Variants in PDXDC1 observed in about 807,000 individuals in gnomAD.
The protein encoded by PDXDC1 is pyridoxal dependent decarboxylase domain containing 1.
PDXDC1 carries 42 observed loss-of-function variants against 100.1 expected under a neutral mutation model. That is an observed-to-expected ratio of 0.42 (90% CI 0.33 to 0.54). The LOEUF (loss-of-function observed/expected upper bound fraction) is 0.54. Among genes scored for constraint, PDXDC1 ranks in the 20% least tolerant of loss-of-function variants. The pLI is 0.10. For synonymous variants in PDXDC1, 260 were observed against 371.7 expected, an observed-to-expected ratio of 0.70 and a Z score of 3.46; for missense variants, 636 against 979.2, an observed-to-expected ratio of 0.65 and a Z score of 4.68.
intron 16 of PDXDC1, chr16:15,056,217 A>T (rs2044516142): frequency 6.2e-6 from 1 of 160,028 alleles, no homozygotes; most frequent in Non-Finnish European, 1.4e-5. Flanking sequence ...TGGCCCTGGA[A>T]GCAGCGCGCG....
chr16:15,035,705 C>T (rs1388588385), intron 22 of PDXDC1, 152 bp downstream of exon 22: 2 of 600,112 alleles, frequency 3.3e-6, no homozygotes, highest in African/African-American at 3.7e-5. Context: ...CCGTGGGATT[C>T]AGCCTTGAAG....
At chr16:15,020,098 C>T (rs1210849880) in intron 12 of PDXDC1, among the ~76,000 whole-genome samples, 106 of 114,758 alleles carry the variant, frequency 9.2e-4, no homozygotes, top group Non-Finnish European at 1.3e-3. Flanking sequence ...GGTGACAGAG[C>T]GAGGCTCCGT....
intron 17 of PDXDC1, 106 bp from the exon 18 acceptor site, chr16:15,032,755 C>A: frequency 1.4e-6 from 1 of 711,270 alleles, no homozygotes; most frequent in Non-Finnish European, 2.5e-6. Flanking sequence ...CTTTTGCCCA[C>A]TGGTTCCACT....
intron 16 of PDXDC1, among the ~76,000 whole-genome samples, chr16:15,111,496 A>C (rs2047061111): frequency 1.4e-5 from 2 of 147,560 alleles, no homozygotes; most frequent in Non-Finnish European, 3.0e-5. Context: ...GTGGTAGCTC[A>C]CGCCTGTAAT....
intron 3 of PDXDC1, among the ~76,000 whole-genome samples, chr16:15,000,809 C>T (rs1327352832): frequency 6.6e-6 from 1 of 151,566 alleles, no homozygotes; most frequent in East Asian, 1.9e-4. Context: ...GGACAAGATC[C>T]CTATGGAGGA....
At chr16:15,131,088 G>T (rs531290127) in intron 16 of PDXDC1, 2 of 1,606,000 alleles carry the variant, frequency 1.2e-6, no homozygotes, top group East Asian at 4.5e-5. Context: ...TGCACGCACC[G>T]TCCAGCAGCG....
chr16:15,092,797 T>A (rs189971656), intron 16 of PDXDC1, among the ~76,000 whole-genome samples: 1 of 152,196 alleles, frequency 6.6e-6, no homozygotes, highest in East Asian at 1.9e-4. Context: ...GTCTTCCCAC[T>A]GCACTTACAG....
chr16:15,093,209 G>A (rs1191969331), intron 16 of PDXDC1, among the ~76,000 whole-genome samples: 1 of 152,126 alleles, frequency 6.6e-6, no homozygotes, highest in Non-Finnish European at 1.5e-5. Flanking sequence ...TTCGCACGTT[G>A]GCCAGGCTGG....
At chr16:15,055,100 T>C (rs980955743) in intron 16 of PDXDC1, among the ~76,000 whole-genome samples, 1 of 152,156 alleles carries the variant, frequency 6.6e-6, no homozygotes, top group Non-Finnish European at 1.5e-5. Context: ...GGGCTCGATA[T>C]TTGACTCTCA....
intron 1 of PDXDC1, among the ~76,000 whole-genome samples, chr16:14,991,265 A>ATTG (rs759288384): frequency 2.0e-4 from 28 of 137,900 alleles, no homozygotes; most frequent in Admixed American, 3.1e-4. Flanking sequence ...ATGTATATAG[A>ATTG]TATGTGTGTG....
chr16:14,987,596 A>G (rs1969674471), intron 1 of PDXDC1, among the ~76,000 whole-genome samples: 1 of 152,288 alleles, frequency 6.6e-6, no homozygotes, highest in Admixed American at 6.5e-5. Flanking sequence ...GGAACTTGAC[A>G]TAGAATACTG....
chr16:15,147,579 T>G, the PDXDC1 span, among the ~76,000 whole-genome samples: 1 of 152,192 alleles, frequency 6.6e-6, no homozygotes, highest in Admixed American at 6.5e-5. Flanking sequence ...CAGGCTGGAG[T>G]GCAATGGTGC....
the PDXDC1 span, among the ~76,000 whole-genome samples, chr16:15,146,936 C>G: frequency 1.3e-5 from 2 of 152,056 alleles, no homozygotes; most frequent in Non-Finnish European, 2.9e-5. Flanking sequence ...GAGACTGGAC[C>G]AAGGTCACAC....
intron 1 of PDXDC1, among the ~76,000 whole-genome samples, chr16:14,978,441 G>T (rs1597235153): frequency 1.3e-5 from 2 of 152,424 alleles, no homozygotes; most frequent in Non-Finnish European, 2.9e-5. Flanking sequence ...CCAGGCTGGA[G>T]AGCCGTGGTA....
At chr16:15,143,922 G>A (rs1229636467), downstream of PDXDC1, among the ~76,000 whole-genome samples, 2 of 152,212 alleles carry the variant, frequency 1.3e-5, no homozygotes, top group African/African-American at 4.8e-5. Flanking sequence ...CGGCGGGCGT[G>A]TGCCAGGCCC....
In PDXDC1 at chr16:15,018,857, T is replaced by G. The variant is rs1360987644; in HGVS notation, c.981T>G (p.Leu327=). ...TTTTTTAGACTTTAGTTGCTGGTCTTACATCAAATAAGCCCACAGACAAAC... is the reference window on the plus strand; with the variant it reads ...TTTTTTAGACTTTAGTTGCTGGTCTGACATCAAATAAGCCCACAGACAAAC... ...DDPALTLVAG[L]TSNKPTDKLR... is the part of the protein sequence containing the mutation. The change falls in exon 12 of 23, where the codon CTT becomes CTG. Residue 327 remains leucine, a synonymous_variant. Coordinates refer to ENST00000396410, the MANE Select transcript of PDXDC1 (RefSeq NM_015027.4). The G allele has an allele frequency of 4.3e-6, 7 of 1,613,956 alleles. No individual in the cohort carries two copies. In the East Asian group the frequency reaches 1.6e-4, roughly 36 times the overall value.
rs761224724 is a variant in PDXDC1, at chr16:15,038,129, G to C, written c.*1854G>C. 31 of 1,611,766 alleles carry C rather than the reference G, an allele frequency of 1.9e-5. No homozygotes were observed. The Middle Eastern group carries it at 5.0e-4, about 26-fold the overall frequency. On this transcript the variant is annotated 3_prime_UTR_variant, in exon 23 of 23. Transcript: ENST00000396410. ...GAAAACAGTGTGTGAGCTGGAGATGGGTGTTTTTTTAAAAACATCAAGGTA... is the reference window on the plus strand; with the variant it reads ...GAAAACAGTGTGTGAGCTGGAGATGCGTGTTTTTTTAAAAACATCAAGGTA...
intron 16 of PDXDC1, chr16:15,084,635 T>C (rs2045842754): frequency 6.3e-7 from 1 of 1,580,672 alleles, no homozygotes; most frequent in African/African-American, 1.3e-5. Context: ...AGGAAAAGTA[T>C]ACTCACGATG....
chr16:15,048,394 G>C (rs989740991), intron 16 of PDXDC1, among the ~76,000 whole-genome samples: 1 of 152,126 alleles, frequency 6.6e-6, no homozygotes, highest in Non-Finnish European at 1.5e-5. Context: ...TTGTTTGTTT[G>C]TTTTTTAAAG....
Sources: gnomAD v4.1 joint callset for allele counts (sites outside exome capture counted in the v4.1 genomes callset) on GRCh38, gnomAD v4.1.1 for gene constraint, MANE v1.5 for transcripts, NCBI Gene and HGNC (gene_info 2026-07-23, HGNC 2026-07-21) for gene names.